The following PHACTR1 variants were observed in gnomAD, a reference collection of about 807,000 sequenced individuals.
PHACTR1 encodes RPEL repeat containing 1.
Under a neutral mutation model 69.2 loss-of-function variants are expected in PHACTR1, and 16 were observed. The observed-to-expected ratio is 0.23, with a 90% confidence interval of 0.16 to 0.35. PHACTR1 has a LOEUF of 0.35. Ranked by LOEUF, PHACTR1 falls within the 10% of genes least tolerant of loss-of-function variation. PHACTR1 has a pLI of 1.00. For synonymous variants in PHACTR1, 312 were observed against 284.5 expected, an observed-to-expected ratio of 1.10 and a Z score of -0.97; for missense variants, 510 against 734.7, an observed-to-expected ratio of 0.69 and a Z score of 3.54.
chr6:12,962,822 C>T lies in PHACTR1; in HGVS notation c.251-90543C>T, dbSNP rs73364167. Among the ~76,000 whole-genome samples the T allele has an allele frequency of 8.6e-3, 1,303 of 152,296 alleles. 20 individuals carry two copies. The highest frequency in any genetic ancestry group is 0.029 in the African/African-American group (1,222 of 41,568). ...CTTCCTTTCACTGTTTCATCACTTA[C>T]AGGAAGATTGATCCTGTCATCCAGG... On this transcript the variant is annotated intron_variant, in intron 4 of 14. Coordinates refer to ENST00000332995, the MANE Select transcript of PHACTR1 (RefSeq NM_030948.6).
At chr6:13,003,977 A>ATG (rs1798463445) in intron 4 of PHACTR1, among the ~76,000 whole-genome samples, 1 of 131,504 alleles carries the variant, frequency 7.6e-6, no homozygotes, top group Non-Finnish European at 1.6e-5. Context: ...ATATATATAT[A>ATG]TACACATATA....
intron 3 of PHACTR1, among the ~76,000 whole-genome samples, chr6:12,732,594 G>T (rs1056855670): frequency 1.3e-5 from 2 of 151,946 alleles, no homozygotes; most frequent in East Asian, 3.9e-4. Context: ...TTCTGTTCTT[G>T]TGTTAGTTTG....
At chr6:12,919,308 A>C (rs2127508576) in intron 4 of PHACTR1, among the ~76,000 whole-genome samples, 1 of 151,592 alleles carries the variant, frequency 6.6e-6, no homozygotes, top group African/African-American at 2.4e-5. Context: ...ATGTCCAGCT[A>C]ATTTTTGTAG....
intron 5 of PHACTR1, among the ~76,000 whole-genome samples, chr6:13,137,212 A>T (rs967574036): frequency 1.3e-5 from 2 of 152,248 alleles, no homozygotes; most frequent in Admixed American, 1.3e-4. Flanking sequence ...ATCAATGAAC[A>T]GTCTTTTCTT....
intron 5 of PHACTR1, among the ~76,000 whole-genome samples, chr6:13,128,662 C>T (rs1198726563): frequency 1.3e-5 from 2 of 151,690 alleles, no homozygotes; most frequent in Non-Finnish European, 2.9e-5. Context: ...TGTTAAATCA[C>T]CAAACCTAAG....
intron 6 of PHACTR1, 60 bp from the exon 7 acceptor site, chr6:13,182,459 C>G: frequency 1.9e-6 from 3 of 1,569,118 alleles, no homozygotes; most frequent in Non-Finnish European, 2.6e-6. Context: ...GCGGGAAGTG[C>G]CACTCTTTCT....
intron 4 of PHACTR1, among the ~76,000 whole-genome samples, chr6:12,913,944 AACT>A (rs1786682443): frequency 6.6e-6 from 1 of 152,242 alleles, no homozygotes; most frequent in Admixed American, 6.5e-5. Flanking sequence ...GGTCTGAGAC[AACT>A]TCTTTTCTTT....
intron 4 of PHACTR1, among the ~76,000 whole-genome samples, chr6:12,970,337 A>AATGTGTCCCTGTTTATTCTGGC (rs1303547899): frequency 6.6e-6 from 1 of 152,238 alleles, no homozygotes; most frequent in South Asian, 2.1e-4. Context: ...CATAGAAAAG[A>AATGTGTCCCTGTTTATTCTGGC]ATGTGTCCCT....
In PHACTR1 at chr6:12,883,803, C is replaced by T. The variant is rs535099530; in HGVS notation, c.250+134013C>T. Among the ~76,000 whole-genome samples, 109 of 152,222 alleles carry T rather than the reference C, an allele frequency of 7.2e-4. 1 individual carries two copies. In the South Asian group the frequency reaches 0.018, roughly 25 times the overall value. ...ATCTTCTCCTACTCTTTTTCCTTTCCTCCTGCATACATATCATAATTCTCT... is the reference window on the plus strand; with the variant it reads ...ATCTTCTCCTACTCTTTTTCCTTTCTTCCTGCATACATATCATAATTCTCT... On this transcript the variant is annotated intron_variant, in intron 4 of 14. Coordinates refer to ENST00000332995, the MANE Select transcript of PHACTR1 (RefSeq NM_030948.6).
chr6:12,962,324 T>C (rs947548355), intron 4 of PHACTR1, among the ~76,000 whole-genome samples: 5 of 152,108 alleles, frequency 3.3e-5, no homozygotes, highest in Admixed American at 1.3e-4. Flanking sequence ...TTTCTCCAAA[T>C]AGAGTCACAT....
intron 4 of PHACTR1, among the ~76,000 whole-genome samples, chr6:12,916,592 C>A (rs920647053): frequency 6.7e-6 from 1 of 148,154 alleles, no homozygotes; most frequent in Admixed American, 6.8e-5. Context: ...ACAGAGTAGG[C>A]ATTCTGTATA....
intron 7 of PHACTR1, chr6:13,185,037 C>G: frequency 2.3e-6 from 3 of 1,316,464 alleles, no homozygotes; most frequent in Non-Finnish European, 3.0e-6. Flanking sequence ...GGCAAGCAGT[C>G]CCTCCTTCCC....
intron 4 of PHACTR1, among the ~76,000 whole-genome samples, chr6:12,908,654 G>A (rs1024624937): frequency 3.6e-4 from 55 of 152,136 alleles, no homozygotes; most frequent in African/African-American, 1.2e-3. Context: ...CATGGAGCTG[G>A]GTGGGGAAGT....
chr6:13,202,441 C>T (rs1284231039), intron 7 of PHACTR1, among the ~76,000 whole-genome samples: 3 of 151,246 alleles, frequency 2.0e-5, no homozygotes, highest in Non-Finnish European at 2.9e-5. Flanking sequence ...AAATCCTTAA[C>T]ACCTCAGGAC....
intron 5 of PHACTR1, among the ~76,000 whole-genome samples, chr6:13,091,052 C>G (rs543447877): frequency 6.6e-6 from 1 of 152,100 alleles, no homozygotes; most frequent in Non-Finnish European, 1.5e-5. Flanking sequence ...CACTCTGTTG[C>G]CCAGGCTGGA....
chr6:13,179,854 A>G lies in PHACTR1; in HGVS notation c.497-2665A>G, dbSNP rs1761965128. 1.3e-5 allele frequency among the ~76,000 whole-genome samples: 2 copies of G among 152,238 alleles called. No homozygotes were observed. The highest frequency in any genetic ancestry group is 1.3e-4 in the Admixed American group (2 of 15,286). The stretch of plus-strand genomic sequence containing the variant: ...TGTGTAAATTGGAAAATCCTTTAAT[A>G]AAACAATTTCACAGGATCCATGTAT... On this transcript the variant is annotated intron_variant, in intron 6 of 14. Coordinates refer to ENST00000332995, the MANE Select transcript of PHACTR1 (RefSeq NM_030948.6). The surrounding 1 kb of genome is among the most constrained non-coding windows in gnomAD (Gnocchi z 4.2).
chr6:12,809,283 A>G (rs1774750788), intron 4 of PHACTR1, among the ~76,000 whole-genome samples: 1 of 152,162 alleles, frequency 6.6e-6, no homozygotes, highest in East Asian at 1.9e-4. Context: ...TATTGTTGAT[A>G]TTTACATAGG....
In PHACTR1 at chr6:12,903,333, A is replaced by G. The variant is rs866766435; in HGVS notation, c.251-150032A>G. On this transcript the variant is annotated intron_variant, in intron 4 of 14. Coordinates refer to ENST00000332995, the MANE Select transcript of PHACTR1 (RefSeq NM_030948.6). ...GAGACATGTCTTCAAGTAGGAGCCA[A>G]GAAGTGAATGTTCCCATCACTAATA... Among the ~76,000 whole-genome samples the G allele has an allele frequency of 2.6e-5, 4 of 152,230 alleles. No individual in the cohort carries two copies. In the South Asian group the frequency reaches 8.3e-4, roughly 32 times the overall value.
intron 4 of PHACTR1, among the ~76,000 whole-genome samples, chr6:13,047,065 G>A (rs1258206432): frequency 3.3e-5 from 5 of 152,068 alleles, no homozygotes; most frequent in East Asian, 1.9e-4. Flanking sequence ...CCTGTGTGGC[G>A]TCATTTTGCA....
Sources: allele counts gnomAD v4.1 joint callset (sites outside exome capture counted in the v4.1 genomes callset), GRCh38; gene constraint gnomAD v4.1.1; non-coding constraint Gnocchi (gnomAD v3.1); transcripts MANE v1.5; gene names NCBI Gene and HGNC (gene_info 2026-07-23, HGNC 2026-07-21).